The following IFI27L2 variants were observed in gnomAD, a reference collection of about 807,000 sequenced individuals.
IFI27L2 encodes the protein interferon alpha inducible protein 27 like 2.
Under a neutral mutation model 7.9 loss-of-function variants are expected in IFI27L2, and 8 were observed. The observed-to-expected ratio is 1.02, with a 90% confidence interval of 0.60 to 1.84. IFI27L2 has a LOEUF of 1.84. Ranked by LOEUF, IFI27L2 falls within the 40% of genes most tolerant of loss-of-function variation. IFI27L2 has a pLI of 0.00. For missense variants in IFI27L2, 190 were observed against 165.8 expected (o/e 1.15, Z -0.80); for synonymous variants, 56 against 66.5 (o/e 0.84, Z 0.77).
chr14:94,128,721 G>T (rs1887630771), intron 2 of IFI27L2, 46 bp from the exon 3 acceptor site: 2 of 1,528,934 alleles, frequency 1.3e-6, no homozygotes, highest in East Asian at 4.7e-5. Context: ...TCAGGAGAAG[G>T]GACCCTTCCC....
At position 94,128,621 on chromosome 14, in the gene IFI27L2, GCC is replaced by G. The variant is rs753200329; in HGVS notation, c.90_91del (p.Ala31ArgfsTer70). ...TGCTATGGAGGACGCGGCGATTCCTGCCCCAGTGAAGCCCATGGCACTGAGCA... is the reference window on the plus strand; with the variant it reads ...TGCTATGGAGGACGCGGCGATTCCTGCCAGTGAAGCCCATGGCACTGAGCA... On this transcript the variant is annotated frameshift_variant, in exon 3 of 4. Transcript: ENST00000238609. LOFTEE classifies it high-confidence loss of function. 6.2e-7 allele frequency: 1 copy of G among 1,614,028 alleles called. No homozygotes were observed. Among genetic ancestry groups the G allele is most frequent in the South Asian group, 1.1e-5 (1 of 91,054 alleles).
intron 2 of IFI27L2, 124 bp downstream of exon 2, chr14:94,129,138 G>T (rs1339505161): frequency 8.3e-6 from 6 of 725,084 alleles, no homozygotes; most frequent in Non-Finnish European, 1.4e-5. Flanking sequence ...GCTCACTCAG[G>T]CTACTCGGGC....
At position 94,129,301 on chromosome 14, in the gene IFI27L2, G is replaced by A. The variant is rs1887642500; in HGVS notation, c.8-10C>T. On this transcript the variant is annotated splice_polypyrimidine_tract_variant and intron_variant, in intron 1 of 3. Coordinates refer to ENST00000238609, the MANE Select transcript of IFI27L2 (RefSeq NM_032036.3). ...GCAGCAGCTGCCCGTTCTAGAGAGA[G>A]AGTGCCAGGGGAAGGCAGAGGGAGA... The A allele has an allele frequency of 6.2e-7, 1 of 1,605,156 alleles. No homozygotes were observed. Among genetic ancestry groups the A allele is most frequent in the Admixed American group, 1.7e-5 (1 of 59,584 alleles).
intron 1 of IFI27L2, 26 bp downstream of exon 1, chr14:94,129,532 C>T: frequency 6.2e-7 from 1 of 1,611,748 alleles, no homozygotes; most frequent in East Asian, 2.2e-5. Context: ...CCCAGCCCGC[C>T]AGCCCCCTGG....
chr14:94,129,508 A>G, intron 1 of IFI27L2, 50 bp downstream of exon 1: 1 of 1,574,548 alleles, frequency 6.4e-7, no homozygotes, highest in Non-Finnish European at 8.7e-7. Context: ...GGGGTTGGGG[A>G]AGCCTGCCCC....
At position 94,127,841 on chromosome 14, in the gene IFI27L2, T is replaced by G; in HGVS notation, c.351A>C (p.Glu117Asp). Residue 117 changes from glutamate to aspartate, a missense_variant, in exon 4 of 4, where the codon GAA becomes GAC. By Grantham distance (45) the Glu-to-Asp change is conservative. Coordinates refer to ENST00000238609, the MANE Select transcript of IFI27L2 (RefSeq NM_032036.3). ...DEARENVPQG[E>D]PPKPPLKSEK... Reference sequence around the variant, plus strand: ...CTGACTTGAGTGGGGGTTTTGGAGGTTCACCTTGGGGTACATTTTCTCTTG... The same window carrying G: ...CTGACTTGAGTGGGGGTTTTGGAGGGTCACCTTGGGGTACATTTTCTCTTG... The G allele has an allele frequency of 1.9e-6, 3 of 1,614,120 alleles. No individual in the cohort carries two copies. The highest frequency in any genetic ancestry group is 2.5e-6 in the Non-Finnish European group (3 of 1,180,018).
In IFI27L2 at chr14:94,128,096, T is replaced by TA. The variant is rs574401366; in HGVS notation, c.200-105dup. ...GAAAATCCCAGGGCTCTGCCATGGG[T>TA]AGAAGCTGCTAGAGGCAACTAAAAG... On this transcript the variant is annotated intron_variant, in intron 3 of 3. Coordinates refer to ENST00000238609, the MANE Select transcript of IFI27L2 (RefSeq NM_032036.3). 1,989 of 720,884 alleles carry TA rather than the reference T, an allele frequency of 2.8e-3. 39 individuals are homozygous for TA. The highest frequency in any genetic ancestry group is 0.025 in the South Asian group (1,390 of 54,798). The allele number at this position is 720,884 out of a possible 1,614,324, so 44.7% of individuals were successfully genotyped here.
chr14:94,129,376 G>A (rs1439480936), intron 1 of IFI27L2, 85 bp from the exon 2 acceptor site: 2 of 903,814 alleles, frequency 2.2e-6, no homozygotes, highest in Non-Finnish European at 3.6e-6. Flanking sequence ...GAGGGAGGGG[G>A]AGGGAAGCAA....
chr14:94,129,507 G>T, intron 1 of IFI27L2, 51 bp downstream of exon 1: 1 of 1,580,096 alleles, frequency 6.3e-7, no homozygotes, highest in Non-Finnish European at 8.7e-7. Flanking sequence ...TGGGGTTGGG[G>T]AAGCCTGCCC....
rs1324025941 is a variant in IFI27L2 at position 94,127,790 on chromosome 14, A to G, written c.*9T>C. On this transcript the variant is annotated 3_prime_UTR_variant, in exon 4 of 4. Coordinates refer to ENST00000238609, the MANE Select transcript of IFI27L2 (RefSeq NM_032036.3). ...AAGCAAAACAGGGAGATGCATCTGC[A>G]TGTGACCTTTATTCCTCATGTTTCT... 3 of 1,609,108 alleles carry G rather than the reference A, an allele frequency of 1.9e-6. No individual in the cohort carries two copies. The highest frequency in any genetic ancestry group is 1.7e-6 in the Non-Finnish European group (2 of 1,175,700).
chr14:94,129,104 TC>T (rs2139315491), intron 2 of IFI27L2, 157 bp downstream of exon 2: 1 of 635,200 alleles, frequency 1.6e-6, no homozygotes, highest in East Asian at 2.6e-5. Context: ...AGTGAGCTTT[TC>T]CCTGGAGTAT....
At chr14:94,128,970 T>C in intron 2 of IFI27L2, 1 of 583,314 alleles carries the variant, frequency 1.7e-6, no homozygotes. Context: ...TGTGTGTGTG[T>C]GTGTGTCCAC....
chr14:94,129,466 G>T (rs1887645574), intron 1 of IFI27L2, 92 bp downstream of exon 1: 1 of 1,298,230 alleles, frequency 7.7e-7, no homozygotes, highest in African/African-American at 1.5e-5. Context: ...TGAAGTCAGG[G>T]AATGAAGCTA....
At position 94,129,250 on chromosome 14, in the gene IFI27L2, CG is replaced by C. The variant is rs1328111831; in HGVS notation, c.37+11del. ...GGTGAGGGCCTGGAGACAGGCGATC[CG>C]GGTAACTTACCTCCTCCCACTGCAG... On this transcript the variant is annotated intron_variant, in intron 2 of 3. Transcript: ENST00000238609. 2 of 1,611,050 alleles carry C rather than the reference CG, an allele frequency of 1.2e-6. No homozygotes were observed. Among genetic ancestry groups the C allele is most frequent in the Non-Finnish European group, 1.7e-6 (2 of 1,178,010 alleles).
At chr14:94,128,918 A>G in intron 2 of IFI27L2, 2 of 591,194 alleles carry the variant, frequency 3.4e-6, no homozygotes, top group Non-Finnish European at 3.0e-6. Flanking sequence ...ATGCTGAGGA[A>G]GTCAATACCC....
In IFI27L2 at chr14:94,128,494, G is replaced by A. The variant is rs775410057; in HGVS notation, c.199+20C>T. On this transcript the variant is annotated intron_variant, in intron 3 of 3. Transcript: ENST00000238609. ...GCTGGATCTTCTCGCAGCTCTGGTG[G>A]TCCTGTCTAGGACACTTACCCACGG... 9 of 1,612,176 alleles carry A rather than the reference G, an allele frequency of 5.6e-6. No individual in the cohort carries two copies. The African/African-American group carries it at 9.3e-5, about 17-fold the overall frequency.
chr14:94,129,579 G>A lies in IFI27L2; in HGVS notation c.-15C>T. 2 of 1,613,574 alleles carry A rather than the reference G, an allele frequency of 1.2e-6. No homozygotes were observed. Among genetic ancestry groups the A allele is most frequent in the Non-Finnish European group, 1.7e-6 (2 of 1,179,648 alleles). ...TCACTCATCATGGTGAGGCCGTCCG[G>A]GTCCCAACTTGGCCCAGGAAATGAC... On this transcript the variant is annotated 5_prime_UTR_variant, in exon 1 of 4. Transcript: ENST00000238609.
chr14:94,129,117 T>C, intron 2 of IFI27L2, 145 bp downstream of exon 2: 1 of 657,618 alleles, frequency 1.5e-6, no homozygotes, highest in Non-Finnish European at 2.7e-6. Context: ...CTGGAGTATT[T>C]TGATGCTGTG....
chr14:94,129,280 C>A lies in IFI27L2; in HGVS notation c.19G>T (p.Ala7Ser). Reference sequence around the variant, plus strand: ...AACTTACCTCCTCCCACTGCAGCAGCAGCTGCCCGTTCTAGAGAGAGAGTG... The same window carrying A: ...AACTTACCTCCTCCCACTGCAGCAGAAGCTGCCCGTTCTAGAGAGAGAGTG... The part of the protein sequence containing the change: MMKRAA[A>S]AAVGGALAVG... Residue 7 changes from alanine (A) to serine (S), a missense_variant, in exon 2 of 4, where the codon GCT becomes TCT. Coordinates refer to ENST00000238609, the MANE Select transcript of IFI27L2 (RefSeq NM_032036.3). 1 of 1,612,258 alleles carries A rather than the reference C, an allele frequency of 6.2e-7. No homozygotes were observed. Among genetic ancestry groups the A allele is most frequent in the Non-Finnish European group, 8.5e-7 (1 of 1,179,386 alleles).
Sources: gnomAD v4.1 joint callset for allele counts on GRCh38, gnomAD v4.1.1 for gene constraint, MANE v1.5 for transcripts, NCBI Gene and HGNC (gene_info 2026-07-23, HGNC 2026-07-21) for gene names.